Variants in FMNL1 observed in about 807,000 individuals in gnomAD.
FMNL1 encodes formin-like protein 1.
Under a neutral mutation model 121.3 loss-of-function variants are expected in FMNL1, and 43 were observed. The ratio of observed to expected loss-of-function variants is 0.35; its 90% CI spans 0.28 to 0.46. FMNL1 has a LOEUF of 0.46. Among genes scored for constraint, FMNL1 ranks in the 20% least tolerant of loss-of-function variants. The pLI, the probability that FMNL1 is intolerant of heterozygous loss-of-function variation, is 1.00. For missense variants in FMNL1, 1,191 were observed against 1,482.4 expected (o/e 0.80, Z 3.23); for synonymous variants, 613 against 613.5 (o/e 1.00, Z 0.01).
Position 45,241,244 on chromosome 17 carries a change from G to C in FMNL1, c.1332+14G>C. The C allele has an allele frequency of 6.2e-7, 1 of 1,613,910 alleles. No homozygotes were observed. Among genetic ancestry groups the C allele is most frequent in the Non-Finnish European group, 8.5e-7 (1 of 1,179,956 alleles). On this transcript the variant is annotated intron_variant, in intron 13 of 26. Coordinates refer to ENST00000331495, the MANE Select transcript of FMNL1 (RefSeq NM_005892.4). This position sits in a 1 kb window ranked among gnomAD's most constrained non-coding sequence, Gnocchi z 7.0. ...GAGACCCTGCGGGTGAGGCTGGGGC[G>C]GGTGGTAGGCCAGGCGCCCAAGAAC...
At chr17:45,245,822 G>A in intron 23 of FMNL1, 56 bp from the exon 24 acceptor site, 1 of 1,602,626 alleles carries the variant, frequency 6.2e-7, no homozygotes, top group South Asian at 1.1e-5. Context: ...TTCTGTTTAG[G>A]GGGTGGGTAG....
chr17:45,244,926 C>T, intron 20 of FMNL1, 27 bp downstream of exon 20: 2 of 1,612,552 alleles, frequency 1.2e-6, no homozygotes, highest in Non-Finnish European at 1.7e-6. Flanking sequence ...GGCTTGGGGA[C>T]TGGGGCTGGG....
chr17:45,238,482 G>A, intron 9 of FMNL1, 82 bp from the exon 10 acceptor site: 1 of 1,457,816 alleles, frequency 6.9e-7, no homozygotes, highest in Non-Finnish European at 9.5e-7. Context: ...AGAGGAGCCT[G>A]TTGAAGCACA....
Position 45,241,818 on chromosome 17 carries a change from TC to T in FMNL1, c.1586-24del, listed in dbSNP as rs1210737107. On this transcript the variant is annotated intron_variant, in intron 14 of 26. Transcript: ENST00000331495. The surrounding 1 kb of genome is among the most constrained non-coding windows in gnomAD (Gnocchi z 7.0). ...CCAAGTCAAGGAGCTGACTCGCGCC[TC>T]CCCCACGCCGCGCCCTCGCTGGCTC... 2.9e-6 allele frequency: 4 copies of T among 1,401,800 alleles called. No homozygotes were observed. Among genetic ancestry groups the T allele is most frequent in the Admixed American group, 3.3e-5 (1 of 30,482 alleles). The allele number at this position is 1,401,800 out of a possible 1,614,324, so 86.8% of individuals were successfully genotyped here.
chr17:45,222,837 T>C (rs1371494499), intron 1 of FMNL1, among the ~76,000 whole-genome samples: 2 of 149,698 alleles, frequency 1.3e-5, no homozygotes, highest in Non-Finnish European at 1.5e-5. Flanking sequence ...TCCAAGCCAC[T>C]GAAGGGAGTA....
chr17:45,239,602 C>T (rs1310789543), intron 11 of FMNL1, among the ~76,000 whole-genome samples: 2 of 152,014 alleles, frequency 1.3e-5, no homozygotes, highest in Non-Finnish European at 2.9e-5. Context: ...CCTGGAGGAG[C>T]GGGGCTTTCG....
intron 6 of FMNL1, among the ~76,000 whole-genome samples, chr17:45,235,687 CTAT>C (rs2043534831): frequency 1.3e-5 from 2 of 152,186 alleles, no homozygotes; most frequent in Admixed American, 1.3e-4. Flanking sequence ...CAGGAAGCTA[CTAT>C]TATTAGCATT....
intron 1 of FMNL1, among the ~76,000 whole-genome samples, chr17:45,229,962 A>T (rs1199040990): frequency 6.6e-6 from 1 of 152,084 alleles, no homozygotes; most frequent in Non-Finnish European, 1.5e-5. Flanking sequence ...GCCTGCTGAC[A>T]TGGCCGCCCT....
In FMNL1 at chr17:45,241,749, G is replaced by C; in HGVS notation, c.1586-98G>C. The C allele has an allele frequency of 7.0e-7, 1 of 1,425,854 alleles. No individual in the cohort carries two copies. The highest frequency in any genetic ancestry group is 2.9e-5 in the Admixed American group (1 of 34,460). 88.3% of individuals were successfully genotyped at this position (1,425,854 alleles called of 1,614,324 possible). On this transcript the variant is annotated intron_variant, in intron 14 of 26. Coordinates refer to ENST00000331495, the MANE Select transcript of FMNL1 (RefSeq NM_005892.4). The surrounding 1 kb of genome is among the most constrained non-coding windows in gnomAD (Gnocchi z 7.0). ...AGGTTTGGATTGTAGGCTCGGCTCA[G>C]GTAGGAGCGCATGCGTAGAGCGGAG...
chr17:45,226,144 T>TA (rs2043324397), intron 1 of FMNL1, among the ~76,000 whole-genome samples: 1 of 152,118 alleles, frequency 6.6e-6, no homozygotes, highest in Non-Finnish European at 1.5e-5. Flanking sequence ...TCCCCACCGT[T>TA]ATGCAGGTCA....
intron 1 of FMNL1, among the ~76,000 whole-genome samples, chr17:45,225,060 C>T (rs529611468): frequency 6.6e-6 from 1 of 152,322 alleles, no homozygotes; most frequent in South Asian, 2.1e-4. Flanking sequence ...CCTGATCTGC[C>T]GGGCAGGGAG....
chr17:45,245,880 A>T lies in FMNL1; in HGVS notation c.2997A>T (p.Lys999Asn). 1 of 1,596,628 alleles carries T rather than the reference A, an allele frequency of 6.3e-7. No individual in the cohort carries two copies. The highest frequency in any genetic ancestry group is 8.5e-7 in the Non-Finnish European group (1 of 1,172,868). ...LFSRFIKAYKKAEQEVEQWKK... is the reference protein window; with the variant it reads ...LFSRFIKAYKNAEQEVEQWKK... ...ATGGAGACTGCCTTGGCCCACAGAA[A>T]GCTGAGCAGGAGGTGGAACAGTGGA... is the stretch of plus-strand genomic sequence containing the variant. The change falls in exon 24 of 27, where the codon AAA becomes AAT. Residue 999 changes from lysine (K) to asparagine (N), a missense_variant and splice_region_variant. By Grantham distance (94) the Lys-to-Asn change is moderately conservative. Around this residue, in one of 4 missense-constraint regions of FMNL1, gnomAD observed 367 missense variants for 528.6 expected, o/e 0.69. Coordinates refer to ENST00000331495, the MANE Select transcript of FMNL1 (RefSeq NM_005892.4).
intron 1 of FMNL1, among the ~76,000 whole-genome samples, chr17:45,228,153 C>T (rs9891541): frequency 0.058 from 8,825 of 152,244 alleles, 271 homozygotes; most frequent in Admixed American, 0.11. Context: ...ATCTGATGGC[C>T]CCTCTCCTAC....
chr17:45,231,039 G>C lies in FMNL1; in HGVS notation c.213+352G>C, dbSNP rs1354319182. Among the ~76,000 whole-genome samples, 1 of 152,166 alleles carries C rather than the reference G, an allele frequency of 6.6e-6. No homozygotes were observed. Among genetic ancestry groups the C allele is most frequent in the African/African-American group, 2.4e-5 (1 of 41,430 alleles). ...TGGGGAAGGGAGAGGGCGACCCTGG[G>C]GTTGGACATCTTCACCTGACCCCAT... On this transcript the variant is annotated intron_variant, in intron 2 of 26. Coordinates refer to ENST00000331495, the MANE Select transcript of FMNL1 (RefSeq NM_005892.4). This position sits in a 1 kb window ranked among gnomAD's most constrained non-coding sequence, Gnocchi z 4.7.
At position 45,222,090 on chromosome 17, in the gene FMNL1, G is replaced by A; in HGVS notation, c.-35G>A. The stretch of plus-strand genomic sequence containing the variant: ...TCCCCCGGAAAGCTGGATTTCCGAG[G>A]CTGGAGGCGCCTGGCCGGCTGGGTG... On this transcript the variant is annotated 5_prime_UTR_variant, in exon 1 of 27. Transcript: ENST00000331495. 8.7e-7 allele frequency: 1 copy of A among 1,143,284 alleles called. No homozygotes were observed. The highest frequency in any genetic ancestry group is 1.1e-6 in the Non-Finnish European group (1 of 931,592). The allele number at this position is 1,143,284 out of a possible 1,614,324, so 70.8% of individuals were successfully genotyped here.
In FMNL1 at chr17:45,242,039, C is replaced by T. The variant is rs574253266; in HGVS notation, c.1778C>T (p.Pro593Leu). The stretch of plus-strand genomic sequence containing the variant: ...CCGCCCCCACCCCCGCCACCGCCAC[C>T]ACCTCCGGGCACTGACGGGCCGGTG... ...DLPPPPPPPP[P>L]PPGTDGPVPP... The change falls in exon 15 of 27, where the codon CCA (proline) becomes CTA (leucine). Residue 593 changes from proline (P) to leucine (L), a missense_variant. Transcript: ENST00000331495. 2.4e-5 allele frequency: 34 copies of T among 1,403,786 alleles called. No individual in the cohort carries two copies. In the African/African-American group the frequency reaches 4.1e-4, roughly 17 times the overall value. The allele number at this position is 1,403,786 out of a possible 1,614,324, so 87.0% of individuals were successfully genotyped here. A position where few individuals can be genotyped will look rare whatever the true frequency, so the allele number is the denominator to read the frequency against.
chr17:45,239,016 T>C lies in FMNL1; in HGVS notation c.1031T>C (p.Val344Ala). 6.2e-7 allele frequency: 1 copy of C among 1,614,206 alleles called. No homozygotes were observed. Among genetic ancestry groups the C allele is most frequent in the Non-Finnish European group, 8.5e-7 (1 of 1,180,020 alleles). ...VHSVENMNFR[V>A]FLQYEFTHLG... ...TCGGTGGAGAACATGAACTTCCGTG[T>C]CTTCCTGCAATATGAGTTCACCCAC... is the stretch of plus-strand genomic sequence containing the variant. The change falls in exon 11 of 27, where the codon GTC becomes GCC. Residue 344 changes from valine to alanine, a missense_variant. By Grantham distance (64) the Val-to-Ala change is moderately conservative (BLOSUM62 0). This residue lies in a region of FMNL1 where 253 missense variants were observed against 417.5 expected (regional missense o/e 0.61). Transcript: ENST00000331495.
chr17:45,234,363 TAAG>T (rs1390888458), intron 6 of FMNL1, 163 bp downstream of exon 6: 3 of 1,247,638 alleles, frequency 2.4e-6, no homozygotes, highest in Non-Finnish European at 3.4e-6. Context: ...ACCAGTATGT[TAAG>T]AAGCCATCAG....
chr17:45,244,390 C>T (rs944229119), intron 19 of FMNL1, 146 bp downstream of exon 19: 28 of 1,112,716 alleles, frequency 2.5e-5, no homozygotes, highest in Middle Eastern at 2.0e-4. Context: ...AGGGTGGTGG[C>T]GAGTGGGAAG....
Sources: gnomAD v4.1 joint callset for allele counts (sites outside exome capture counted in the v4.1 genomes callset) on GRCh38, gnomAD v4.1.1 for gene constraint, gnomAD v4.1.1 regional missense constraint, Gnocchi (gnomAD v3.1) non-coding constraint, MANE v1.5 for transcripts, NCBI Gene and HGNC (gene_info 2026-07-23, HGNC 2026-07-21) for gene names.